The following MSRA variants were observed in gnomAD, a reference collection of about 807,000 sequenced individuals.
MSRA encodes mitochondrial peptide methionine sulfoxide reductase.
In MSRA, 54 loss-of-function variants were observed where a neutral mutation model predicts 31.3. The observed-to-expected ratio is 1.73, with a 90% CI of 1.39 to 2.17. The LOEUF (loss-of-function observed/expected upper bound fraction) is 2.17. Among genes scored for constraint, MSRA ranks in the 30% most tolerant of loss-of-function variants. The pLI is 0.00. For synonymous variants in MSRA, 169 were observed against 116.5 expected, an observed-to-expected ratio of 1.45 and a Z score of -2.90; for missense variants, 507 against 300.9, an observed-to-expected ratio of 1.69 and a Z score of -5.07.
intron 5 of MSRA, chr8:10,337,899 C>T (rs1405653910): frequency 1.0e-5 from 7 of 676,826 alleles, no homozygotes; most frequent in Non-Finnish European, 1.9e-5. Context: ...TTTGTTATGA[C>T]AGCAGGGCTT....
chr8:10,388,647 C>T (rs767376554), intron 5 of MSRA, among the ~76,000 whole-genome samples: 2 of 152,116 alleles, frequency 1.3e-5, no homozygotes, highest in Admixed American at 6.5e-5. Flanking sequence ...TTCCCATTAC[C>T]TCAGACTCCA....
intron 2 of MSRA, among the ~76,000 whole-genome samples, chr8:10,232,933 G>C (rs1811616811): frequency 6.6e-6 from 1 of 152,206 alleles, no homozygotes; most frequent in South Asian, 2.1e-4. Context: ...CATGATGTAA[G>C]TTTGAATATT....
At chr8:10,234,482 G>A (rs187357524) in intron 2 of MSRA, among the ~76,000 whole-genome samples, 2 of 151,916 alleles carry the variant, frequency 1.3e-5, no homozygotes, top group African/African-American at 2.4e-5. Flanking sequence ...CCTCCAAATT[G>A]GCCAAGGGTC....
chr8:10,150,395 G>T (rs1803557328), intron 1 of MSRA, among the ~76,000 whole-genome samples: 1 of 152,046 alleles, frequency 6.6e-6, no homozygotes, highest in Admixed American at 6.6e-5. Context: ...GTTTACTATT[G>T]CTGCATTATA....
At chr8:10,071,699 TTGA>T (rs1262585716) in intron 1 of MSRA, among the ~76,000 whole-genome samples, 3 of 152,200 alleles carry the variant, frequency 2.0e-5, no homozygotes, top group African/African-American at 7.2e-5. Context: ...CAGGTTGAGG[TTGA>T]TGTTTAGTTT....
chr8:10,225,267 G>A (rs1287359174), intron 2 of MSRA, among the ~76,000 whole-genome samples: 1 of 152,200 alleles, frequency 6.6e-6, no homozygotes, highest in Non-Finnish European at 1.5e-5. Flanking sequence ...CTTCCTTGAA[G>A]TCTCTGTGAC....
chr8:10,144,434 T>G (rs1185396008), intron 1 of MSRA, among the ~76,000 whole-genome samples: 1 of 152,170 alleles, frequency 6.6e-6, no homozygotes, highest in African/African-American at 2.4e-5. Flanking sequence ...TGACGTAAGT[T>G]AATATTTGTG....
At chr8:10,384,152 G>A (rs567780636) in intron 5 of MSRA, among the ~76,000 whole-genome samples, 1 of 152,298 alleles carries the variant, frequency 6.6e-6, no homozygotes, top group South Asian at 2.1e-4. Context: ...GACGGGTGAC[G>A]TATAGGGCTT....
At chr8:10,304,703 A>G (rs1041049532) in intron 4 of MSRA, among the ~76,000 whole-genome samples, 1 of 152,334 alleles carries the variant, frequency 6.6e-6, no homozygotes. Flanking sequence ...TTGAGGTCAC[A>G]TGGCAACCTG....
intron 5 of MSRA, among the ~76,000 whole-genome samples, chr8:10,359,046 G>C (rs1804685260): frequency 6.6e-6 from 1 of 152,094 alleles, no homozygotes; most frequent in African/African-American, 2.4e-5. Flanking sequence ...CCCCACCCCA[G>C]GTCTATGGAA....
intron 5 of MSRA, among the ~76,000 whole-genome samples, chr8:10,356,350 T>G (rs1804505239): frequency 6.6e-6 from 1 of 152,246 alleles, no homozygotes; most frequent in Non-Finnish European, 1.5e-5. Context: ...TGTGATTTTA[T>G]GTAAGCCAAA....
At chr8:10,335,067 T>A (rs1004703548) in intron 5 of MSRA, among the ~76,000 whole-genome samples, 4 of 152,100 alleles carry the variant, frequency 2.6e-5, no homozygotes, top group Non-Finnish European at 5.9e-5. Flanking sequence ...GCATGGTGCG[T>A]TGCAGGACGG....
chr8:10,418,840 C>G (rs146199981), intron 5 of MSRA, among the ~76,000 whole-genome samples: 1 of 34,104 alleles, frequency 2.9e-5, no homozygotes, highest in Non-Finnish European at 6.3e-5. Flanking sequence ...AAAAAAAAAC[C>G]AACAAAAAAA....
At chr8:10,089,327 T>TTG (rs1798743562) in intron 1 of MSRA, among the ~76,000 whole-genome samples, 1 of 152,220 alleles carries the variant, frequency 6.6e-6, no homozygotes, top group African/African-American at 2.4e-5. Context: ...AACCTAACAA[T>TTG]TGCCTCCTTT....
At chr8:10,331,036 A>G (rs1255686746) in intron 5 of MSRA, among the ~76,000 whole-genome samples, 9 of 152,130 alleles carry the variant, frequency 5.9e-5, no homozygotes, top group African/African-American at 2.2e-4. Flanking sequence ...TGAGCACTCT[A>G]TTGCTGTGTT....
At chr8:10,324,613 C>G (rs1264995374) in intron 5 of MSRA, among the ~76,000 whole-genome samples, 1 of 152,152 alleles carries the variant, frequency 6.6e-6, no homozygotes, top group Non-Finnish European at 1.5e-5. Context: ...ACATCCATGC[C>G]TAGGTGACCA....
chr8:10,334,950 C>T (rs1191811837), intron 5 of MSRA, among the ~76,000 whole-genome samples: 1 of 152,212 alleles, frequency 6.6e-6, no homozygotes, highest in Admixed American at 6.5e-5. Flanking sequence ...GCTATGGCAG[C>T]CGGCGCGGCG....
chr8:10,247,101 A>C (rs574078126), intron 3 of MSRA, among the ~76,000 whole-genome samples: 3 of 152,238 alleles, frequency 2.0e-5, no homozygotes, highest in Non-Finnish European at 4.4e-5. Flanking sequence ...AACCCTTTTC[A>C]GTTCAGCTGT....
At chr8:10,286,112 A>C (rs10098637) in intron 3 of MSRA, among the ~76,000 whole-genome samples, 6,642 of 152,110 alleles carry the variant, frequency 0.044, 469 homozygotes, top group African/African-American at 0.15. Flanking sequence ...TATTTAATCT[A>C]AGCCATCCTG....
Sources: allele counts gnomAD v4.1 joint callset (sites outside exome capture counted in the v4.1 genomes callset), GRCh38; gene constraint gnomAD v4.1.1; transcripts MANE v1.5; gene names NCBI Gene and HGNC (gene_info 2026-07-23, HGNC 2026-07-21).